The following SYNJ2 variants were observed in gnomAD, a reference collection of about 807,000 sequenced individuals.
The protein encoded by SYNJ2 is synaptojanin 2, also known as polyphosphatidylinositol phosphatase SYNJ2.
In SYNJ2, 116 loss-of-function variants were observed where a neutral mutation model predicts 141.3. That is an observed-to-expected ratio of 0.82 (90% CI 0.71 to 0.96). The LOEUF is 0.96. Among genes scored for constraint, SYNJ2 ranks in the 40% least tolerant of loss-of-function variants. SYNJ2 has a pLI of 0.00. For missense variants in SYNJ2, 1,873 were observed against 1,934.8 expected, an observed-to-expected ratio of 0.97 and a Z score of 0.60; for synonymous variants, 745 against 777.7, an observed-to-expected ratio of 0.96 and a Z score of 0.70.
intron 1 of SYNJ2, among the ~76,000 whole-genome samples, chr6:158,005,131 G>A (rs1039605307): frequency 6.7e-6 from 1 of 148,502 alleles, no homozygotes; most frequent in Non-Finnish European, 1.5e-5. Context: ...AGGCTGGAGT[G>A]CAGTGGCGCG....
At chr6:158,033,793 G>C in intron 4 of SYNJ2, 113 bp downstream of exon 4, 1 of 1,088,324 alleles carries the variant, frequency 9.2e-7, no homozygotes, top group Non-Finnish European at 1.3e-6. Flanking sequence ...GGTGGTCTCT[G>C]ATCAGGCTTC....
At chr6:158,030,075 G>A (rs530726154) in intron 3 of SYNJ2, among the ~76,000 whole-genome samples, 50 of 152,270 alleles carry the variant, frequency 3.3e-4, no homozygotes, top group Non-Finnish European at 6.2e-4. Context: ...AGGCAGAGGC[G>A]GCTGGATTTC....
chr6:158,061,892 T>C lies in SYNJ2; in HGVS notation c.955-100T>C. ...CAGCTAAAGCACGTCCTGCGGCGAG[T>C]CACCTTGGTTAGCCGCACGGGTCAA... On this transcript the variant is annotated intron_variant, in intron 7 of 26. Transcript: ENST00000355585. 2 of 1,223,552 alleles carry C rather than the reference T, an allele frequency of 1.6e-6. 1 individual carries two copies. Among genetic ancestry groups the C allele is most frequent in the South Asian group, 2.8e-5 (2 of 70,832 alleles). 75.8% of individuals were successfully genotyped at this position (1,223,552 alleles called of 1,614,324 possible).
At position 158,076,725 on chromosome 6, in the gene SYNJ2, C is replaced by G; in HGVS notation, c.2392C>G (p.Pro798Ala). Reference sequence around the variant, plus strand: ...CGATACAAGCGACAAATGCCGCACCCCCGCCTGGACAGACAGGGTGCTGTG... The same window carrying G: ...CGATACAAGCGACAAATGCCGCACCGCCGCCTGGACAGACAGGGTGCTGTG... ...AYDTSDKCRT[P>A]AWTDRVLWWR... Residue 798 changes from proline (P) to alanine (A), a missense_variant, in exon 17 of 27, where the codon CCC becomes GCC. Transcript: ENST00000355585. 1 of 1,614,194 alleles carries G rather than the reference C, an allele frequency of 6.2e-7. No homozygotes were observed.
intron 5 of SYNJ2, among the ~76,000 whole-genome samples, chr6:158,048,381 C>T (rs1463412191): frequency 6.6e-6 from 1 of 152,144 alleles, no homozygotes; most frequent in Non-Finnish European, 1.5e-5. Flanking sequence ...GGGAGCATCA[C>T]TGGGTAGCTT....
At chr6:158,022,399 T>C (rs1219402508) in intron 2 of SYNJ2, among the ~76,000 whole-genome samples, 1 of 152,162 alleles carries the variant, frequency 6.6e-6, no homozygotes, top group Non-Finnish European at 1.5e-5. Context: ...AAGCCACGTA[T>C]CATGACTCCA....
rs138698074 is a variant in SYNJ2 at position 158,041,855 on chromosome 6, T to C, written c.712-1461T>C. ...TCCCGAATAGCTGGGACTACAGGCA[T>C]ACGCCACCATACCCGGCTAACTTTT... On this transcript the variant is annotated intron_variant, in intron 4 of 26. Transcript: ENST00000355585. Among the ~76,000 whole-genome samples the C allele has an allele frequency of 4.1e-3, 617 of 152,308 alleles. 4 individuals carry two copies. Among genetic ancestry groups the C allele is most frequent in the Admixed American group, 8.6e-3 (131 of 15,302 alleles).
chr6:158,023,653 G>T (rs190131783), intron 2 of SYNJ2, among the ~76,000 whole-genome samples: 132 of 152,246 alleles, frequency 8.7e-4, no homozygotes, highest in Admixed American at 2.5e-3. Flanking sequence ...AGGGTAGAGG[G>T]TAGGCCCTTC....
chr6:158,036,445 A>G (rs1053852081), intron 4 of SYNJ2, among the ~76,000 whole-genome samples: 2 of 152,226 alleles, frequency 1.3e-5, no homozygotes, highest in Non-Finnish European at 2.9e-5. Context: ...ATGAAAAGGA[A>G]TGAGATCGTG....
Position 158,084,148 on chromosome 6 carries a change from A to G in SYNJ2, c.3182A>G (p.Lys1061Arg). The G allele has an allele frequency of 6.2e-7, 1 of 1,613,992 alleles. No homozygotes were observed. The highest frequency in any genetic ancestry group is 8.5e-7 in the Non-Finnish European group (1 of 1,179,966). Residue 1061 changes from lysine to arginine, a missense_variant, in exon 22 of 27, where the codon AAA (lysine) becomes AGA (arginine). Physicochemically the swap from Lys to Arg is conservative, Grantham distance 26. Transcript: ENST00000355585. This position sits in a 1 kb window ranked among gnomAD's most constrained non-coding sequence, Gnocchi z 5.0. Reference sequence around the variant, plus strand: ...CCCAGCAAGTCACCTGCTCTCACCAAAAAGAAGCAGCATCCAACGTACAAA... The same window carrying G: ...CCCAGCAAGTCACCTGCTCTCACCAGAAAGAAGCAGCATCCAACGTACAAA... ...APPSKSPALT[K>R]KKQHPTYKDD...
In SYNJ2 at chr6:158,095,708, A is replaced by G; in HGVS notation, c.3835A>G (p.Thr1279Ala). ...AAGCGTTGAGGCCCCTCCTGTCGTG[A>G]CAGCCCCTCGAGTCCCTCCTGTTCC... Reference protein sequence around the residue: ...ETSVEAPPVVTAPRVPPVPKP... With the variant: ...ETSVEAPPVVAAPRVPPVPKP... Residue 1279 changes from threonine (T) to alanine (A), a missense_variant, in exon 27 of 27, where the codon ACA (threonine) becomes GCA (alanine). Transcript: ENST00000355585. The G allele has an allele frequency of 6.2e-7, 1 of 1,614,158 alleles. No individual in the cohort carries two copies. The highest frequency in any genetic ancestry group is 1.1e-5 in the South Asian group (1 of 91,074).
Position 158,028,773 on chromosome 6 carries a change from T to C in SYNJ2, c.232T>C (p.Phe78Leu), listed in dbSNP as rs1246161326. 6.2e-7 allele frequency: 1 copy of C among 1,614,120 alleles called. No homozygotes were observed. The highest frequency in any genetic ancestry group is 8.5e-7 in the Non-Finnish European group (1 of 1,179,994). ...CTTTCCAGGTGGCACGTCTCTGAGC[T>C]TCCTGGTGTTGGTGACAGGCTGCAC... Reference protein sequence around the residue: ...RLKSGGTSLSFLVLVTGCTSV... With the variant: ...RLKSGGTSLSLLVLVTGCTSV... The change falls in exon 3 of 27, where the codon TTC (phenylalanine) becomes CTC (leucine). Residue 78 changes from phenylalanine to leucine, a missense_variant. Phe to Leu is a conservative substitution (Grantham distance 22, BLOSUM62 0). Coordinates refer to ENST00000355585, the MANE Select transcript of SYNJ2 (RefSeq NM_003898.4).
intron 12 of SYNJ2, among the ~76,000 whole-genome samples, chr6:158,067,156 T>G (rs182287024): frequency 1.3e-5 from 2 of 152,268 alleles, no homozygotes; most frequent in Admixed American, 1.3e-4. Context: ...GTAGCTGGGA[T>G]TACAGGCGCC....
intron 2 of SYNJ2, chr6:158,017,897 C>A: frequency 4.6e-6 from 2 of 437,624 alleles, no homozygotes; most frequent in Non-Finnish European, 9.5e-6. Flanking sequence ...TGCTTGCCGG[C>A]GAGGGCCTAA....
At position 158,092,907 on chromosome 6, in the gene SYNJ2, A is replaced by G. The variant is rs767460654; in HGVS notation, c.3566-19A>G. ...TTGCCTTGTCCTTTACACTTCAGCC[A>G]TGTGGTTTTATGTTTCAGGTGCCTC... On this transcript the variant is annotated intron_variant, in intron 25 of 26. Transcript: ENST00000355585. The G allele has an allele frequency of 3.2e-5, 51 of 1,572,818 alleles. No homozygotes were observed. In the Admixed American group the frequency reaches 1.1e-3, roughly 33 times the overall value.
At chr6:158,077,436 C>T (rs900713965) in intron 17 of SYNJ2, among the ~76,000 whole-genome samples, 136 of 152,184 alleles carry the variant, frequency 8.9e-4, no homozygotes, top group Non-Finnish European at 3.4e-4. Context: ...CTCCCTGCCC[C>T]CCATGCTCCC....
At chr6:158,090,845 G>A (rs550402138) in intron 25 of SYNJ2, among the ~76,000 whole-genome samples, 3 of 151,762 alleles carry the variant, frequency 2.0e-5, no homozygotes, top group Non-Finnish European at 2.9e-5. Flanking sequence ...ACACCTGGCC[G>A]AGTGTGCCCT....
At position 158,063,780 on chromosome 6, in the gene SYNJ2, C is replaced by T; in HGVS notation, c.1128-11C>T. ...CAACATATAACCGTTTACATTTCTT[C>T]TTGTCCTAAGTTTTCAGAAAGGCAC... On this transcript the variant is annotated splice_polypyrimidine_tract_variant and intron_variant, in intron 8 of 26. Transcript: ENST00000355585. 3.8e-6 allele frequency: 6 copies of T among 1,576,022 alleles called. No homozygotes were observed. Among genetic ancestry groups the T allele is most frequent in the Non-Finnish European group, 5.2e-6 (6 of 1,155,362 alleles).
rs577222975 is a variant in SYNJ2, at chr6:158,007,568, T to C, written c.128-9636T>C. Among the ~76,000 whole-genome samples the C allele has an allele frequency of 1.4e-4, 22 of 152,334 alleles. No individual in the cohort carries two copies. In the South Asian group the frequency reaches 4.1e-3, roughly 29 times the overall value. On this transcript the variant is annotated intron_variant, in intron 1 of 26. Coordinates refer to ENST00000355585, the MANE Select transcript of SYNJ2 (RefSeq NM_003898.4). ...TGTCCATGGTTCCACCTTCAAAATA[T>C]ACCCAGATATGTGATGATGTTGAGG...
Sources: gnomAD v4.1 joint callset for allele counts (sites outside exome capture counted in the v4.1 genomes callset) on GRCh38, gnomAD v4.1.1 for gene constraint, Gnocchi (gnomAD v3.1) non-coding constraint, MANE v1.5 for transcripts, NCBI Gene and HGNC (gene_info 2026-07-23, HGNC 2026-07-21) for gene names.